SHANK2: variants seen among roughly 807,000 people sequenced by gnomAD.
The protein encoded by SHANK2 is SH3 and multiple ankyrin repeat domains protein 2.
Under a neutral mutation model 133.7 loss-of-function variants are expected in SHANK2, and 43 were observed. The observed-to-expected ratio is 0.32, with a 90% CI of 0.25 to 0.41. SHANK2 has a LOEUF of 0.41. SHANK2 is among the 10% of genes least tolerant of loss of function. The pLI is 1.00. For missense variants in SHANK2, 1,994 were observed against 2,235.8 expected (o/e 0.89, Z 2.18); for synonymous variants, 1,017 against 952.8 (o/e 1.07, Z -1.24).
At chr11:71,210,487 C>G (rs1441994727) in intron 2 of SHANK2, among the ~76,000 whole-genome samples, 5 of 151,546 alleles carry the variant, frequency 3.3e-5, no homozygotes, top group Admixed American at 2.6e-4. Flanking sequence ...CCTGACCTTG[C>G]GATCCACCCA....
intron 14 of SHANK2, among the ~76,000 whole-genome samples, chr11:70,777,967 T>C (rs1301718040): frequency 2.0e-5 from 3 of 152,214 alleles, no homozygotes; most frequent in Non-Finnish European, 2.9e-5. Flanking sequence ...ACAACCCATG[T>C]TTCCTGGGTA....
chr11:70,783,958 G>A (rs1428564545), intron 14 of SHANK2, among the ~76,000 whole-genome samples: 1 of 152,194 alleles, frequency 6.6e-6, no homozygotes, highest in Non-Finnish European at 1.5e-5. Context: ...CACTGTGTGA[G>A]CCTTGGAGGT....
At chr11:70,712,163 G>A (rs1351041324) in intron 14 of SHANK2, among the ~76,000 whole-genome samples, 1 of 152,114 alleles carries the variant, frequency 6.6e-6, no homozygotes, top group Non-Finnish European at 1.5e-5. Context: ...CCTGGCCACT[G>A]CCTCCACCTT....
At chr11:70,616,310 A>T (rs2060741250) in intron 17 of SHANK2, among the ~76,000 whole-genome samples, 1 of 151,290 alleles carries the variant, frequency 6.6e-6, no homozygotes, top group African/African-American at 2.4e-5. Flanking sequence ...TCTGTTGGCG[A>T]CCCCACACTG....
intron 14 of SHANK2, among the ~76,000 whole-genome samples, chr11:70,711,223 G>A (rs1448937020): frequency 6.6e-6 from 1 of 152,198 alleles, no homozygotes; most frequent in African/African-American, 2.4e-5. Context: ...GCAGCCTTGA[G>A]TCCGCTCTGG....
At chr11:71,209,401 G>T (rs1954202504) in intron 2 of SHANK2, among the ~76,000 whole-genome samples, 1 of 152,218 alleles carries the variant, frequency 6.6e-6, no homozygotes, top group South Asian at 2.1e-4. Flanking sequence ...ACCCAGGAGG[G>T]AGCTTCGGTT....
intron 11 of SHANK2, among the ~76,000 whole-genome samples, chr11:70,852,989 G>A (rs571450039): frequency 9.9e-5 from 15 of 152,232 alleles, no homozygotes; most frequent in African/African-American, 2.7e-4. Context: ...AGTGGGCCAC[G>A]TGGGAAGTTC....
At chr11:71,092,781 C>T (rs1001248614) in intron 7 of SHANK2, among the ~76,000 whole-genome samples, 192 bp from the exon 8 acceptor site, 1 of 152,136 alleles carries the variant, frequency 6.6e-6, no homozygotes, top group Non-Finnish European at 1.5e-5. Context: ...TGGCTGACGC[C>T]TATGATCCCA....
chr11:70,703,068 T>A (rs1945573111), intron 14 of SHANK2, among the ~76,000 whole-genome samples: 1 of 152,132 alleles, frequency 6.6e-6, no homozygotes, highest in Admixed American at 6.5e-5. Context: ...GGTCATGGAG[T>A]CTGTCAGCAG....
chr11:70,799,705 G>T (rs1473155033), intron 13 of SHANK2, among the ~76,000 whole-genome samples: 1 of 152,094 alleles, frequency 6.6e-6, no homozygotes, highest in East Asian at 1.9e-4. Flanking sequence ...CCTGTCCTGG[G>T]GACCACGCAC....
intron 15 of SHANK2, among the ~76,000 whole-genome samples, chr11:70,674,362 T>C (rs1342335005): frequency 2.7e-5 from 4 of 148,866 alleles, no homozygotes; most frequent in African/African-American, 9.9e-5. Flanking sequence ...GATGTCCCCT[T>C]TTTTTTTTTT....
chr11:71,102,438 GC>G (rs1189685838), intron 6 of SHANK2, among the ~76,000 whole-genome samples: 1 of 152,148 alleles, frequency 6.6e-6, no homozygotes, highest in Non-Finnish European at 1.5e-5. Flanking sequence ...CCCATGTCCA[GC>G]CCCAAAACAG....
At chr11:70,918,798 T>C (rs1555080286) in intron 10 of SHANK2, among the ~76,000 whole-genome samples, 1 of 152,188 alleles carries the variant, frequency 6.6e-6, no homozygotes, top group Non-Finnish European at 1.5e-5. Flanking sequence ...TGACCCACCA[T>C]GCCCAGCCTT....
chr11:70,923,184 G>A (rs1190452056), intron 10 of SHANK2, among the ~76,000 whole-genome samples: 1 of 152,078 alleles, frequency 6.6e-6, no homozygotes, highest in Non-Finnish European at 1.5e-5. Flanking sequence ...ATAGATGATG[G>A]GTCCCCACTG....
intron 2 of SHANK2, among the ~76,000 whole-genome samples, chr11:71,186,219 C>T (rs1350665376): frequency 3.9e-5 from 6 of 152,232 alleles, no homozygotes; most frequent in African/African-American, 9.6e-5. Flanking sequence ...CAGTCCTGCA[C>T]GTCCCAGGCA....
chr11:70,606,093 T>C (rs931317910), intron 17 of SHANK2, among the ~76,000 whole-genome samples: 2 of 152,082 alleles, frequency 1.3e-5, no homozygotes, highest in African/African-American at 2.4e-5. Flanking sequence ...CCAGGAAGTG[T>C]GCATGGCAGG....
chr11:71,123,168 A>T (rs1952111252), intron 3 of SHANK2, among the ~76,000 whole-genome samples: 1 of 152,122 alleles, frequency 6.6e-6, no homozygotes, highest in Non-Finnish European at 1.5e-5. Flanking sequence ...TCACCTACCC[A>T]TCATTGACTC....
intron 14 of SHANK2, among the ~76,000 whole-genome samples, chr11:70,703,496 G>A (rs1215792148): frequency 6.6e-6 from 1 of 152,090 alleles, no homozygotes; most frequent in East Asian, 1.9e-4. Flanking sequence ...GTGTTACAGT[G>A]CACACCTCAT....
intron 2 of SHANK2, among the ~76,000 whole-genome samples, chr11:71,194,981 T>C (rs186780506): frequency 1.3e-3 from 201 of 152,338 alleles, no homozygotes; most frequent in Middle Eastern, 0.01. Context: ...CCAATAAGGC[T>C]TAAACCTGAG....
Sources: gnomAD v4.1 joint callset for allele counts (sites outside exome capture counted in the v4.1 genomes callset) on GRCh38, gnomAD v4.1.1 for gene constraint, MANE v1.5 for transcripts, NCBI Gene and HGNC (gene_info 2026-07-23, HGNC 2026-07-21) for gene names.